The following TMPRSS11B variants were observed in gnomAD, a reference collection of about 807,000 sequenced individuals.
TMPRSS11B encodes transmembrane protease serine 11B.
A neutral mutation model predicts 44.7 loss-of-function variants in TMPRSS11B; 53 were observed. The observed-to-expected ratio is 1.19, with a 90% confidence interval of 0.95 to 1.49. The LOEUF (loss-of-function observed/expected upper bound fraction) is 1.49, where lower values mean the gene tolerates loss of function less well. TMPRSS11B is among the 40% of genes most tolerant of loss of function. The pLI is 0.00. For missense variants in TMPRSS11B, 526 were observed against 494.8 expected, an observed-to-expected ratio of 1.06 and a Z score of -0.60; for synonymous variants, 140 against 159.2, an observed-to-expected ratio of 0.88 and a Z score of 0.91.
At chr4:68,238,549 C>T (rs1196879657) in intron 2 of TMPRSS11B, among the ~76,000 whole-genome samples, 3 of 134,774 alleles carry the variant, frequency 2.2e-5, no homozygotes, top group East Asian at 4.9e-4. Flanking sequence ...ATGGTGAAAC[C>T]CCATCTCTAC....
At chr4:68,232,509 C>A (rs1275558386) in intron 5 of TMPRSS11B, 93 bp from the exon 6 acceptor site, 5 of 1,172,184 alleles carry the variant, frequency 4.3e-6, no homozygotes, top group Non-Finnish European at 6.3e-6. Context: ...ACTTTCCTAA[C>A]CCAATATTGT....
In TMPRSS11B at chr4:68,228,903, G is replaced by A; in HGVS notation, c.947-19C>T. ...AATGAACCTAAAAGCAATAAGTGCTGCATATTATGCAGATCTTAGACTTTG... is the reference window on the plus strand; with the variant it reads ...AATGAACCTAAAAGCAATAAGTGCTACATATTATGCAGATCTTAGACTTTG... On this transcript the variant is annotated intron_variant, in intron 8 of 9. Coordinates refer to ENST00000332644, the MANE Select transcript of TMPRSS11B (RefSeq NM_182502.3). 1.2e-6 allele frequency: 2 copies of A among 1,606,834 alleles called. No homozygotes were observed. Among genetic ancestry groups the A allele is most frequent in the Non-Finnish European group, 1.7e-6 (2 of 1,177,208 alleles).
intron 5 of TMPRSS11B, among the ~76,000 whole-genome samples, chr4:68,233,745 T>G (rs139209641): frequency 5.9e-5 from 9 of 152,278 alleles, no homozygotes; most frequent in Non-Finnish European, 1.2e-4. Context: ...TACTCCAGTT[T>G]TTTCACAAAA....
At position 68,228,744 on chromosome 4, in the gene TMPRSS11B, G is replaced by A; in HGVS notation, c.1087C>T (p.Gln363Ter). The A allele has an allele frequency of 1.2e-6, 2 of 1,608,514 alleles. No individual in the cohort carries two copies. Among genetic ancestry groups the A allele is most frequent in the Non-Finnish European group, 1.7e-6 (2 of 1,177,890 alleles). Residue 363 changes from glutamine (Q) to a stop codon, truncating the protein, a stop_gained and splice_region_variant, in exon 9 of 10, where the codon CAG (glutamine) becomes TAG (stop). Transcript: ENST00000332644. LOFTEE classifies it low-confidence loss of function (END_TRUNC). ...CTGGATAATGTAACTAGACATACCT[G>A]ACATGCATCAGCTTCTCCTGACATA... is the stretch of plus-strand genomic sequence containing the variant. ...GFMSGEADAC[Q>*]NDSGGPLAYP...
At position 68,229,379 on chromosome 4, in the gene TMPRSS11B, T is replaced by C; in HGVS notation, c.824A>G (p.Gln275Arg). The C allele has an allele frequency of 2.5e-6, 4 of 1,614,116 alleles. No homozygotes were observed. The South Asian group carries it at 3.3e-5, about 13-fold the overall frequency. The change falls in exon 8 of 10, where the codon CAG becomes CGG. Residue 275 changes from glutamine (Q) to arginine (R), a missense_variant. Physicochemically the swap from Gln to Arg is conservative, Grantham distance 43 (BLOSUM62 1). Transcript: ENST00000332644. Reference sequence around the variant, plus strand: ...TGTAAAAGAAACTTCTTCAGCAAGCTGCACAAGGGCAATATCATCATGAAG... The same window carrying C: ...TGTAAAAGAAACTTCTTCAGCAAGCCGCACAAGGGCAATATCATCATGAAG... ...PGLHDDIALV[Q>R]LAEEVSFTEY...
chr4:68,239,248 T>G (rs1719754910), intron 2 of TMPRSS11B, among the ~76,000 whole-genome samples: 1 of 151,736 alleles, frequency 6.6e-6, no homozygotes, highest in Admixed American at 6.6e-5. Context: ...CAGATCTCTC[T>G]TGCGCGCTCT....
In TMPRSS11B at chr4:68,235,995, T is replaced by C; in HGVS notation, c.308+7A>G. 1 of 1,534,718 alleles carries C rather than the reference T, an allele frequency of 6.5e-7. No homozygotes were observed. The highest frequency in any genetic ancestry group is 8.8e-7 in the Non-Finnish European group (1 of 1,136,188). On this transcript the variant is annotated splice_region_variant and intron_variant, in intron 4 of 9. Coordinates refer to ENST00000332644, the MANE Select transcript of TMPRSS11B (RefSeq NM_182502.3). ...TTTCATAAAATCTTAAATGAACTTGTACTTACAGAAGTTTGATGACCTCAG... is the reference window on the plus strand; with the variant it reads ...TTTCATAAAATCTTAAATGAACTTGCACTTACAGAAGTTTGATGACCTCAG...
chr4:68,236,517 T>G (rs1269369434), intron 2 of TMPRSS11B, among the ~76,000 whole-genome samples: 1 of 151,992 alleles, frequency 6.6e-6, no homozygotes, highest in Non-Finnish European at 1.5e-5. Flanking sequence ...GGGAGAAAAA[T>G]AAAAGGAGAG....
chr4:68,228,099 T>C (rs750222252), intron 9 of TMPRSS11B, 27 bp from the exon 10 acceptor site: 2 of 1,567,946 alleles, frequency 1.3e-6, no homozygotes, highest in African/African-American at 2.7e-5. Context: ...AAAAAATGTT[T>C]CTTGTCTTAA....
Position 68,234,533 on chromosome 4 carries a change from A to G in TMPRSS11B, c.399T>C (p.Ala133=), listed in dbSNP as rs780570368. 14 of 1,613,916 alleles carry G rather than the reference A, an allele frequency of 8.7e-6. No individual in the cohort carries two copies. Among genetic ancestry groups the G allele is most frequent in the African/African-American group, 4.0e-5 (3 of 74,938 alleles). ...TGTTTTTCAACATCTGATGTAATTT[A>G]GCCTTGATTTTAGTCCTCATGCTAA... is the stretch of plus-strand genomic sequence containing the variant. ...EGVSMRTKIK[A]KLHQMLKNNM... Residue 133 remains alanine (A), a synonymous_variant, in exon 5 of 10, where the codon GCT becomes GCC. Coordinates refer to ENST00000332644, the MANE Select transcript of TMPRSS11B (RefSeq NM_182502.3).
chr4:68,233,190 A>C (rs1156791101), intron 5 of TMPRSS11B, among the ~76,000 whole-genome samples: 1 of 152,008 alleles, frequency 6.6e-6, no homozygotes, highest in Non-Finnish European at 1.5e-5. Context: ...TCTTTCCCAA[A>C]AGCTACTCAC....
Position 68,229,662 on chromosome 4 carries a change from A to T in TMPRSS11B, c.687-146T>A, listed in dbSNP as rs1029213668. 5 of 683,086 alleles carry T rather than the reference A, an allele frequency of 7.3e-6. No homozygotes were observed. The South Asian group carries it at 9.5e-5, about 13-fold the overall frequency. 42.3% of individuals were successfully genotyped at this position (683,086 alleles called of 1,614,324 possible). On this transcript the variant is annotated intron_variant, in intron 7 of 9. Transcript: ENST00000332644. ...TTCTATTTTGAAAACTATCTTTGAC[A>T]TGGAGCTGTTGTAAATGTTGCAGTC...
rs1421769345 is a variant in TMPRSS11B, at chr4:68,231,295, C to T, written c.594G>A (p.Trp198Ter). 1 of 1,613,982 alleles carries T rather than the reference C, an allele frequency of 6.2e-7. No individual in the cohort carries two copies. The highest frequency in any genetic ancestry group is 1.1e-5 in the South Asian group (1 of 91,080). The change falls in exon 7 of 10, where the codon TGG (tryptophan) becomes TGA (stop). Residue 198 changes from tryptophan (W) to a stop codon, truncating the protein, a stop_gained. Transcript: ENST00000332644. LOFTEE classifies it high-confidence loss of function. ...GGCCTTTCCATTGCATGCTGGCCTG[C>T]CATGGCCATGCCCCCTCCAGGGAGC... ...GKSSLEGAWP[W>*]QASMQWKGRH... is the part of the protein sequence containing the mutation.
Position 68,229,311 on chromosome 4 carries a change from G to T in TMPRSS11B, c.892C>A (p.Leu298Ile). Reference protein sequence around the residue: ...KICLPEAKMKLSENDNVVVTG... With the variant: ...KICLPEAKMKISENDNVVVTG... ...ACTACAACATTGTCATTTTCTGAGA[G>T]CTTCATTTTGGCTTCAGGAAGACAA... The change falls in exon 8 of 10, where the codon CTC (leucine) becomes ATC (isoleucine). Residue 298 changes from leucine (L) to isoleucine (I), a missense_variant. Coordinates refer to ENST00000332644, the MANE Select transcript of TMPRSS11B (RefSeq NM_182502.3). The T allele has an allele frequency of 6.2e-7, 1 of 1,613,446 alleles. No homozygotes were observed. The highest frequency in any genetic ancestry group is 8.5e-7 in the Non-Finnish European group (1 of 1,179,686).
At chr4:68,235,058 C>T (rs1049418669) in intron 4 of TMPRSS11B, among the ~76,000 whole-genome samples, 1 of 152,182 alleles carries the variant, frequency 6.6e-6, no homozygotes, top group African/African-American at 2.4e-5. Flanking sequence ...GAAGCCAGTG[C>T]TAACCTTCTT....
intron 9 of TMPRSS11B, 86 bp from the exon 10 acceptor site, chr4:68,228,158 G>T: frequency 1.1e-5 from 14 of 1,232,236 alleles, no homozygotes; most frequent in Non-Finnish European, 1.5e-5. Flanking sequence ...TACCTCCTGG[G>T]CACTGAAACC....
Position 68,226,710 on chromosome 4 carries a change from T to C in TMPRSS11B, c.*1201A>G, listed in dbSNP as rs1719362084. On this transcript the variant is annotated 3_prime_UTR_variant, in exon 10 of 10. Transcript: ENST00000332644. Reference sequence around the variant, plus strand: ...ATGCCTTTAAGTTTTTGGTGACTTTTACATTTGGAAAATTACATAAGGTAA... The same window carrying C: ...ATGCCTTTAAGTTTTTGGTGACTTTCACATTTGGAAAATTACATAAGGTAA... 1 of 152,228 alleles carries C rather than the reference T, an allele frequency of 6.6e-6. No homozygotes were observed. Among genetic ancestry groups the C allele is most frequent in the African/African-American group, 2.4e-5 (1 of 41,460 alleles). 9.4% of individuals were successfully genotyped at this position (152,228 alleles called of 1,614,324 possible). A position where few individuals can be genotyped will look rare whatever the true frequency, so the allele number is the denominator to read the frequency against.
chr4:68,229,204 TTGATTAAA>T (rs756662736), intron 8 of TMPRSS11B, 45 bp downstream of exon 8: 24,343 of 1,292,126 alleles, frequency 0.019, 810 homozygotes, highest in South Asian at 0.052. Flanking sequence ...GATTGATTGA[TTGATTAAA>T]TAGTTATTCC....
intron 7 of TMPRSS11B, among the ~76,000 whole-genome samples, chr4:68,230,539 C>G (rs920038003): frequency 1.3e-5 from 2 of 152,066 alleles, no homozygotes; most frequent in African/African-American, 4.8e-5. Flanking sequence ...CATGGTGGCT[C>G]GCACCTGTAA....
Sources: allele counts gnomAD v4.1 joint callset (sites outside exome capture counted in the v4.1 genomes callset), GRCh38; gene constraint gnomAD v4.1.1; transcripts MANE v1.5; gene names NCBI Gene and HGNC (gene_info 2026-07-23, HGNC 2026-07-21).